VASP: variants seen among roughly 807,000 people sequenced by gnomAD.
VASP encodes vasodilator stimulated phosphoprotein.
VASP carries 27 observed loss-of-function variants against 54.4 expected under a neutral mutation model. That is an observed-to-expected ratio of 0.50 (90% CI 0.37 to 0.68). The LOEUF (loss-of-function observed/expected upper bound fraction) is 0.68, where lower values mean the gene tolerates loss of function less well. VASP is among the 30% of genes least tolerant of loss of function. The pLI, the probability that VASP is intolerant of heterozygous loss-of-function variation, is 0.00. For synonymous variants in VASP, 233 were observed against 209.8 expected, an observed-to-expected ratio of 1.11 and a Z score of -0.96; for missense variants, 488 against 528.3, an observed-to-expected ratio of 0.92 and a Z score of 0.75.
At chr19:45,522,029 C>T in intron 4 of VASP, 139 bp from the exon 5 acceptor site, 1 of 1,107,616 alleles carries the variant, frequency 9.0e-7, no homozygotes, top group East Asian at 2.5e-5. Context: ...TCTTGGTTCC[C>T]TAGGGGAGGA....
At position 45,508,576 on chromosome 19, in the gene VASP, C is replaced by T. The variant is rs530324136; in HGVS notation, c.5+800C>T. Among the ~76,000 whole-genome samples the T allele has an allele frequency of 2.7e-4, 41 of 152,096 alleles. No individual in the cohort carries two copies. In the South Asian group the frequency reaches 7.9e-3, roughly 29 times the overall value. The stretch of plus-strand genomic sequence containing the variant: ...GGCGCGGCAGCTGGGGGAAGGGGGC[C>T]TTTGTCTTCCTGACTCACCTGTCGA... On this transcript the variant is annotated intron_variant, in intron 1 of 12. Coordinates refer to ENST00000245932, the MANE Select transcript of VASP (RefSeq NM_003370.4).
intron 3 of VASP, among the ~76,000 whole-genome samples, chr19:45,518,342 C>T (rs922030000): frequency 3.3e-5 from 5 of 152,096 alleles, no homozygotes; most frequent in African/African-American, 9.7e-5. Flanking sequence ...CCGAGGCACA[C>T]GGATTACCTG....
chr19:45,512,653 G>A (rs1168183917), intron 1 of VASP, among the ~76,000 whole-genome samples: 1 of 151,866 alleles, frequency 6.6e-6, no homozygotes, highest in Non-Finnish European at 1.5e-5. Context: ...AGGCTGGGGT[G>A]CAGTGGCGTG....
intron 1 of VASP, among the ~76,000 whole-genome samples, chr19:45,515,490 C>CA (rs1350976832): frequency 1.7e-4 from 26 of 152,266 alleles, no homozygotes; most frequent in African/African-American, 5.8e-4. Context: ...GGGATGTTGA[C>CA]AGTTACTGAG....
rs1395875721 is a variant in VASP at position 45,522,210 on chromosome 19, C to T, written c.471C>T (p.Ser157=). 6.2e-7 allele frequency: 1 copy of T among 1,614,226 alleles called. No homozygotes were observed. Among genetic ancestry groups the T allele is most frequent in the South Asian group, 1.1e-5 (1 of 91,088 alleles). Residue 157 remains serine (S), a synonymous_variant, in exon 5 of 13, where the codon TCC becomes TCT. Transcript: ENST00000245932. ...CGGAGCACATAGAGCGCCGGGTCTCCAATGCAGGTGATGCTCAGATAGCTT... is the reference window on the plus strand; with the variant it reads ...CGGAGCACATAGAGCGCCGGGTCTCTAATGCAGGTGATGCTCAGATAGCTT... The part of the protein sequence containing the change: ...GPSEHIERRV[S]NAGGPPAPPA...
Position 45,521,305 on chromosome 19 carries a change from T to C in VASP, c.344-17T>C. On this transcript the variant is annotated splice_polypyrimidine_tract_variant and intron_variant, in intron 3 of 12. Transcript: ENST00000245932. ...GTTCTGGGACTGATCCATGGCCCTTTCTCTCTCACCTTTCAGGAGGTGGGC... is the reference window on the plus strand; with the variant it reads ...GTTCTGGGACTGATCCATGGCCCTTCCTCTCTCACCTTTCAGGAGGTGGGC... 1 of 1,563,240 alleles carries C rather than the reference T, an allele frequency of 6.4e-7. No homozygotes were observed. Among genetic ancestry groups the C allele is most frequent in the Non-Finnish European group, 8.7e-7 (1 of 1,153,138 alleles).
Position 45,524,027 on chromosome 19 carries a change from T to C in VASP, c.911-70T>C, listed in dbSNP as rs537874339. 16 of 1,584,870 alleles carry C rather than the reference T, an allele frequency of 1.0e-5. No individual in the cohort carries two copies. In the African/African-American group the frequency reaches 1.8e-4, roughly 17 times the overall value. On this transcript the variant is annotated intron_variant, in intron 9 of 12. Coordinates refer to ENST00000245932, the MANE Select transcript of VASP (RefSeq NM_003370.4). ...GGGCTTTGATCAGGGGCTGATGAGG[T>C]TGGGGGAGTAAGATTGATTGGGGGG...
chr19:45,520,308 A>G (rs755492628), intron 3 of VASP, among the ~76,000 whole-genome samples: 13 of 152,154 alleles, frequency 8.5e-5, no homozygotes, highest in Non-Finnish European at 1.8e-4. Flanking sequence ...CCACATTCTC[A>G]CAAGTGCCCT....
intron 3 of VASP, among the ~76,000 whole-genome samples, chr19:45,519,891 G>A (rs1224358762): frequency 5.5e-5 from 5 of 91,016 alleles, no homozygotes; most frequent in Non-Finnish European, 8.5e-5. Flanking sequence ...CACTGCGCCC[G>A]GCCTTTTTTT....
rs1433706196 is a variant in VASP at position 45,507,762 on chromosome 19, C to T, written c.-10C>T. On this transcript the variant is annotated 5_prime_UTR_variant, in exon 1 of 13. Transcript: ENST00000245932. The surrounding 1 kb of genome is among the most constrained non-coding windows in gnomAD (Gnocchi z 4.4). The stretch of plus-strand genomic sequence containing the variant: ...AGCCCGTGGGCGAGCCGCCCGCCCG[C>T]CGAGCAGCCATGAGGTGAGCCGGAC... 6.6e-7 allele frequency: 1 copy of T among 1,510,628 alleles called. No individual in the cohort carries two copies. The highest frequency in any genetic ancestry group is 8.8e-7 in the Non-Finnish European group (1 of 1,136,666). 93.6% of individuals were successfully genotyped at this position (1,510,628 alleles called of 1,614,324 possible).
Position 45,507,663 on chromosome 19 carries a change from G to C in VASP, c.-109G>C. On this transcript the variant is annotated 5_prime_UTR_variant, in exon 1 of 13. Transcript: ENST00000245932. The surrounding 1 kb of genome is among the most constrained non-coding windows in gnomAD (Gnocchi z 4.4). Reference sequence around the variant, plus strand: ...GCCGGACTCTATGGGGCGGGACCCTGGGGGAGCCTGAGCCGAGCCCGGAGC... The same window carrying C: ...GCCGGACTCTATGGGGCGGGACCCTCGGGGAGCCTGAGCCGAGCCCGGAGC... 2 of 1,417,460 alleles carry C rather than the reference G, an allele frequency of 1.4e-6. No individual in the cohort carries two copies. Among genetic ancestry groups the C allele is most frequent in the Non-Finnish European group, 1.9e-6 (2 of 1,053,836 alleles). 87.8% of individuals were successfully genotyped at this position (1,417,460 alleles called of 1,614,324 possible).
In VASP at chr19:45,522,474, C is replaced by T; in HGVS notation, c.613C>T (p.Pro205Ser). 1 of 1,473,536 alleles carries T rather than the reference C, an allele frequency of 6.8e-7. No individual in the cohort carries two copies. Among genetic ancestry groups the T allele is most frequent in the Non-Finnish European group, 9.0e-7 (1 of 1,114,956 alleles). The allele number at this position is 1,473,536 out of a possible 1,614,324, so 91.3% of individuals were successfully genotyped here. Reference sequence around the variant, plus strand: ...AGCGCACGGAGCAGGGGGAGGACCACCCCCTGCACCCCCTCTCCCGGCAGC... The same window carrying T: ...AGCGCACGGAGCAGGGGGAGGACCATCCCCTGCACCCCCTCTCCCGGCAGC... ...AAAHGAGGGP[P>S]PAPPLPAAQG... is the part of the protein sequence containing the mutation. The change falls in exon 6 of 13, where the codon CCC (proline) becomes TCC (serine). Residue 205 changes from proline (P) to serine (S), a missense_variant. Physicochemically the swap from Pro to Ser is moderately conservative, Grantham distance 74. Around this residue, in one of 4 missense-constraint regions of VASP, gnomAD observed 226 missense variants for 196.0 expected, o/e 1.15. Coordinates refer to ENST00000245932, the MANE Select transcript of VASP (RefSeq NM_003370.4).
chr19:45,521,976 C>T (rs528280698), intron 4 of VASP, among the ~76,000 whole-genome samples, 192 bp from the exon 5 acceptor site: 8 of 152,222 alleles, frequency 5.3e-5, no homozygotes, highest in African/African-American at 1.4e-4. Context: ...CTCTCCCTGT[C>T]GCTGCCCTGC....
intron 1 of VASP, among the ~76,000 whole-genome samples, chr19:45,508,250 G>T (rs1008680420): frequency 1.3e-5 from 2 of 152,170 alleles, no homozygotes; most frequent in Non-Finnish European, 2.9e-5. Context: ...TTTACTTGGT[G>T]CTGGAAAAAG....
intron 7 of VASP, among the ~76,000 whole-genome samples, chr19:45,523,288 C>T (rs1428770967): frequency 6.8e-6 from 1 of 146,982 alleles, no homozygotes; most frequent in Non-Finnish European, 1.5e-5. Context: ...CTGCAACCTC[C>T]GCCTCCTGGG....
intron 1 of VASP, among the ~76,000 whole-genome samples, chr19:45,508,527 C>G (rs1291774315): frequency 3.3e-5 from 5 of 152,062 alleles, no homozygotes; most frequent in Non-Finnish European, 7.4e-5. Flanking sequence ...GCTCCCCCAC[C>G]TGCGCGGCCC....
rs762689322 is a variant in VASP at position 45,526,182 on chromosome 19, A to G, written c.*5A>G. 2.4e-5 allele frequency: 39 copies of G among 1,607,010 alleles called. No individual in the cohort carries two copies. The East Asian group carries it at 7.4e-4, about 30-fold the overall frequency. On this transcript the variant is annotated 3_prime_UTR_variant, in exon 13 of 13. Coordinates refer to ENST00000245932, the MANE Select transcript of VASP (RefSeq NM_003370.4). ...AGGAAGCGGGGTTCTCCCTGACCAC[A>G]GGGACCCAGAAGACCCGCTTCTCCT...
chr19:45,524,208 C>G (rs1252782765), intron 10 of VASP, 66 bp downstream of exon 10: 271 of 1,575,788 alleles, frequency 1.7e-4, no homozygotes, highest in Non-Finnish European at 2.3e-4. Flanking sequence ...CCCAGGAGGT[C>G]AAGACCAGCC....
intron 5 of VASP, 55 bp from the exon 6 acceptor site, chr19:45,522,285 A>G (rs1968853923): frequency 6.2e-7 from 1 of 1,614,026 alleles, no homozygotes; most frequent in East Asian, 2.2e-5. Context: ...CCAGCTGGAC[A>G]GTGAAGAATG....
Sources: allele counts gnomAD v4.1 joint callset (sites outside exome capture counted in the v4.1 genomes callset), GRCh38; gene constraint gnomAD v4.1.1; regional missense constraint gnomAD v4.1.1; non-coding constraint Gnocchi (gnomAD v3.1); transcripts MANE v1.5; gene names NCBI Gene and HGNC (gene_info 2026-07-23, HGNC 2026-07-21).